Variants in AP4E1 observed in about 807,000 individuals in gnomAD.
AP4E1 encodes AP-4 complex subunit epsilon-1.
A neutral mutation model predicts 128.2 loss-of-function variants in AP4E1; 56 were observed. That is an observed-to-expected ratio of 0.44 (90% CI 0.35 to 0.55). The LOEUF (loss-of-function observed/expected upper bound fraction) is 0.55. Among genes scored for constraint, AP4E1 ranks in the 20% least tolerant of loss-of-function variants. AP4E1 has a pLI of 0.00. For synonymous variants in AP4E1, 484 were observed against 473.1 expected, an observed-to-expected ratio of 1.02 and a Z score of -0.30; for missense variants, 1,324 against 1,307.7, an observed-to-expected ratio of 1.01 and a Z score of -0.19.
intron 6 of AP4E1, 71 bp from the exon 7 acceptor site, chr15:50,930,734 G>T: frequency 6.9e-7 from 1 of 1,459,306 alleles, no homozygotes; most frequent in South Asian, 1.1e-5. Flanking sequence ...GGTTCTATAT[G>T]ACATTTCAAT....
At chr15:50,996,991 G>A (rs1262328790) in intron 17 of AP4E1, among the ~76,000 whole-genome samples, 1 of 152,174 alleles carries the variant, frequency 6.6e-6, no homozygotes, top group Non-Finnish European at 1.5e-5. Context: ...AAATGGTGAA[G>A]TTTCTCACTG....
At chr15:50,972,435 C>T (rs2064493433) in intron 15 of AP4E1, among the ~76,000 whole-genome samples, 1 of 152,166 alleles carries the variant, frequency 6.6e-6, no homozygotes, top group Admixed American at 6.5e-5. Context: ...TGGTCTCAAA[C>T]TCCTGACCTC....
rs986910080 is a variant in AP4E1, at chr15:50,934,646, G to A, written c.892G>A (p.Val298Ile). 2 of 1,608,338 alleles carry A rather than the reference G, an allele frequency of 1.2e-6. No homozygotes were observed. Among genetic ancestry groups the A allele is most frequent in the East Asian group, 2.2e-5 (1 of 44,628 alleles). The change falls in exon 8 of 21, where the codon GTT becomes ATT. Residue 298 changes from valine (V) to isoleucine (I), a missense_variant. Val to Ile is a conservative substitution (Grantham distance 29). Transcript: ENST00000261842. ...DQRTSELMYD[V>I]LDESLRRAEL... ...CAGGACAAGTGAATTAATGTATGATGTTCTTGATGAATCCTTACGAAGAGC... is the reference window on the plus strand; with the variant it reads ...CAGGACAAGTGAATTAATGTATGATATTCTTGATGAATCCTTACGAAGAGC...
intron 5 of AP4E1, among the ~76,000 whole-genome samples, chr15:50,927,062 CT>C: frequency 6.6e-6 from 1 of 152,086 alleles, no homozygotes. Context: ...GAAATATTTG[CT>C]TTTTTGAGAT....
In AP4E1 at chr15:50,936,359, CT is replaced by C. The variant is rs895599411; in HGVS notation, c.943+1673del. On this transcript the variant is annotated intron_variant, in intron 8 of 20. Coordinates refer to ENST00000261842, the MANE Select transcript of AP4E1 (RefSeq NM_007347.5). ...TGCTTAAAATTCAGTTAAAAATCTG[CT>C]TTTTTTTTTTCCCTTGCAGAAAGTT... Among the ~76,000 whole-genome samples, 110 of 142,384 alleles carry C rather than the reference CT, an allele frequency of 7.7e-4. 1 individual carries two copies. Among genetic ancestry groups the C allele is most frequent in the South Asian group, 1.1e-3 (5 of 4,438 alleles). 93.4% of individuals were successfully genotyped at this position (142,384 alleles called of 152,430 possible).
At chr15:50,909,648 T>C (rs2063539233) in intron 1 of AP4E1, among the ~76,000 whole-genome samples, 1 of 152,186 alleles carries the variant, frequency 6.6e-6, no homozygotes, top group African/African-American at 2.4e-5. Context: ...TGGTGCGATC[T>C]CGATCTCGGC....
chr15:50,936,162 A>T (rs1308459048), intron 8 of AP4E1, among the ~76,000 whole-genome samples: 1 of 152,188 alleles, frequency 6.6e-6, no homozygotes, highest in Non-Finnish European at 1.5e-5. Flanking sequence ...GGTTCCTGCT[A>T]TGCAGGAATA....
At chr15:50,984,577 G>T (rs1035036092) in intron 16 of AP4E1, among the ~76,000 whole-genome samples, 1 of 150,296 alleles carries the variant, frequency 6.7e-6, no homozygotes, top group Non-Finnish European at 1.5e-5. Context: ...TTGTCCTTGC[G>T]ATAGTTTGCT....
chr15:50,990,344 T>TTA (rs1555461844), intron 16 of AP4E1, among the ~76,000 whole-genome samples: 26 of 141,102 alleles, frequency 1.8e-4, no homozygotes, highest in Non-Finnish European at 3.2e-4. Context: ...ATTTATTTAA[T>TTA]TTATTATTAT....
At chr15:50,964,955 C>CCCCCCACACACACACA (rs1555459128) in intron 14 of AP4E1, among the ~76,000 whole-genome samples, 20 of 131,460 alleles carry the variant, frequency 1.5e-4, no homozygotes, top group Non-Finnish European at 3.0e-4. Flanking sequence ...CCTCCCCCTA[C>CCCCCCACACACACACA]CACACACACA....
intron 3 of AP4E1, chr15:50,915,839 G>A: frequency 2.5e-6 from 1 of 392,928 alleles, no homozygotes; most frequent in Non-Finnish European, 4.6e-6. Context: ...AGAACTCATT[G>A]AACCATACAC....
At position 50,997,468 on chromosome 15, in the gene AP4E1, A is replaced by G. The variant is rs772816066; in HGVS notation, c.2489A>G (p.Tyr830Cys). ...SLSNVAYEDD[Y>C]YSNTLHDTGD... ...TCAAATGTGGCATATGAAGATGATT[A>G]TTATTCGAATACTTTGCACGATACA... Residue 830 changes from tyrosine to cysteine, a missense_variant, in exon 18 of 21, where the codon TAT (tyrosine) becomes TGT (cysteine). Tyr to Cys is a radical substitution (Grantham distance 194). Transcript: ENST00000261842. 6.8e-6 allele frequency: 11 copies of G among 1,613,910 alleles called. No individual in the cohort carries two copies. The African/African-American group carries it at 1.2e-4, about 18-fold the overall frequency.
At chr15:50,908,540 A>G, upstream of AP4E1, 1 of 448,298 alleles carries the variant, frequency 2.2e-6, no homozygotes, top group Non-Finnish European at 3.8e-6. Flanking sequence ...GCGAGAAAGG[A>G]GGTCTACTTA....
chr15:50,973,917 T>A (rs1345291007), intron 15 of AP4E1, among the ~76,000 whole-genome samples: 3 of 152,198 alleles, frequency 2.0e-5, no homozygotes, highest in Non-Finnish European at 4.4e-5. Flanking sequence ...TTTCAATTAT[T>A]TGGGATAAAT....
Position 51,003,412 on chromosome 15 carries a change from A to G in AP4E1, c.*750A>G, listed in dbSNP as rs1277813601. 1 of 152,426 alleles carries G rather than the reference A, an allele frequency of 6.6e-6. No individual in the cohort carries two copies. Among genetic ancestry groups the G allele is most frequent in the East Asian group, 1.9e-4 (1 of 5,208 alleles). The allele number at this position is 152,426 out of a possible 1,614,324, so 9.4% of individuals were successfully genotyped here. On this transcript the variant is annotated 3_prime_UTR_variant, in exon 21 of 21. Coordinates refer to ENST00000261842, the MANE Select transcript of AP4E1 (RefSeq NM_007347.5). The stretch of plus-strand genomic sequence containing the variant: ...ACAAAACCCATAAGAGCACACAGTA[A>G]CAAAGCAAACAGATACAAAAATGAC...
chr15:50,908,463 C>A, upstream of AP4E1: 1 of 277,896 alleles, frequency 3.6e-6, no homozygotes. Flanking sequence ...CCTAACAGGG[C>A]CAGGCCCCCG....
chr15:50,924,735 C>A (rs764784423), intron 4 of AP4E1, among the ~76,000 whole-genome samples: 5 of 152,154 alleles, frequency 3.3e-5, no homozygotes, highest in African/African-American at 9.7e-5. Context: ...TCCAGAATCA[C>A]TTCCTTTTAA....
intron 3 of AP4E1, among the ~76,000 whole-genome samples, chr15:50,919,863 A>T (rs922253963): frequency 6.6e-6 from 1 of 151,664 alleles, no homozygotes; most frequent in African/African-American, 2.4e-5. Flanking sequence ...GATCACTTGA[A>T]GTCAGGAGTT....
chr15:50,980,173 A>T (rs1178901649), intron 15 of AP4E1, among the ~76,000 whole-genome samples: 1 of 152,224 alleles, frequency 6.6e-6, no homozygotes, highest in Non-Finnish European at 1.5e-5. Context: ...AAGTGTACTT[A>T]ATCTCTAAGT....
Sources: allele counts gnomAD v4.1 joint callset (sites outside exome capture counted in the v4.1 genomes callset), GRCh38; gene constraint gnomAD v4.1.1; transcripts MANE v1.5; gene names NCBI Gene and HGNC (gene_info 2026-07-23, HGNC 2026-07-21).